The following MAGI2 variants were observed in gnomAD, a reference collection of about 807,000 sequenced individuals.
MAGI2 encodes membrane-associated guanylate kinase, WW and PDZ domain-containing protein 2.
In MAGI2, 35 loss-of-function variants were observed where a neutral mutation model predicts 133.3. The observed-to-expected ratio is 0.26, with a 90% CI of 0.20 to 0.35. The LOEUF (loss-of-function observed/expected upper bound fraction) is 0.35, where lower values mean the gene tolerates loss of function less well. MAGI2 is among the 10% of genes least tolerant of loss of function. The probability of loss-of-function intolerance (pLI) is 1.00; values close to 1 mark genes in which losing one functional copy is unlikely to be tolerated. For missense variants in MAGI2, 1,636 were observed against 1,863.4 expected, an observed-to-expected ratio of 0.88 and a Z score of 2.25; for synonymous variants, 729 against 710.6, an observed-to-expected ratio of 1.03 and a Z score of -0.41.
rs577558649 is a variant in MAGI2 at position 78,293,731 on chromosome 7, T to C, written c.1409-37150A>G. Among the ~76,000 whole-genome samples the C allele has an allele frequency of 2.0e-5, 3 of 152,276 alleles. No individual in the cohort carries two copies. In the South Asian group the frequency reaches 6.2e-4, roughly 32 times the overall value. On this transcript the variant is annotated intron_variant, in intron 9 of 21. Transcript: ENST00000354212. Reference sequence around the variant, plus strand: ...CTGGATTAAGAAAATGTGGCACATATACACCATGGAATACTATGCAGCCAT... The same window carrying C: ...CTGGATTAAGAAAATGTGGCACATACACACCATGGAATACTATGCAGCCAT...
intron 21 of MAGI2, among the ~76,000 whole-genome samples, chr7:78,056,454 G>C (rs532223490): frequency 6.6e-6 from 1 of 152,164 alleles, no homozygotes; most frequent in Admixed American, 6.5e-5. Context: ...TAAAGAAAAT[G>C]TGGTACATAT....
intron 2 of MAGI2, among the ~76,000 whole-genome samples, chr7:78,877,472 A>G (rs571924834): frequency 2.3e-4 from 35 of 152,364 alleles, no homozygotes; most frequent in African/African-American, 8.2e-4. Context: ...TAAGTTATTA[A>G]AAATGTTACT....
At chr7:78,051,884 CT>C (rs59919639) in intron 21 of MAGI2, among the ~76,000 whole-genome samples, 536 of 125,718 alleles carry the variant, frequency 4.3e-3, no homozygotes, top group East Asian at 0.02. Context: ...CATACCCAGC[CT>C]TTTTTTTTTT....
At chr7:78,454,135 T>C (rs1355722978) in intron 6 of MAGI2, among the ~76,000 whole-genome samples, 3 of 152,168 alleles carry the variant, frequency 2.0e-5, no homozygotes, top group Non-Finnish European at 4.4e-5. Context: ...TCTCTACATA[T>C]ACCCTGACTA....
intron 10 of MAGI2, among the ~76,000 whole-genome samples, chr7:78,204,738 C>T (rs1252264759): frequency 2.0e-5 from 3 of 151,666 alleles, no homozygotes; most frequent in East Asian, 1.9e-4. Context: ...TTTAATCTTG[C>T]GTCTTATGAT....
chr7:78,890,903 C>G (rs191999616), intron 2 of MAGI2, among the ~76,000 whole-genome samples: 1 of 152,192 alleles, frequency 6.6e-6, no homozygotes, highest in East Asian at 1.9e-4. Context: ...AAAATAGAGA[C>G]ACAAAAAACC....
chr7:78,544,305 C>T (rs1293986599), intron 3 of MAGI2, among the ~76,000 whole-genome samples: 1 of 152,192 alleles, frequency 6.6e-6, no homozygotes, highest in Non-Finnish European at 1.5e-5. Context: ...TCCTTCATGC[C>T]CTAAGGTGGA....
intron 1 of MAGI2, among the ~76,000 whole-genome samples, chr7:79,169,395 G>C (rs141539976): frequency 6.6e-6 from 1 of 152,180 alleles, no homozygotes; most frequent in Admixed American, 6.6e-5. Context: ...TAGTTCTTTG[G>C]AATGTCATAG....
At chr7:78,387,669 G>A (rs937066154) in intron 6 of MAGI2, among the ~76,000 whole-genome samples, 1 of 152,154 alleles carries the variant, frequency 6.6e-6, no homozygotes, top group African/African-American at 2.4e-5. Flanking sequence ...TCTCACACCT[G>A]TAATCCCAGC....
chr7:79,344,823 G>A (rs1214033476), intron 1 of MAGI2, among the ~76,000 whole-genome samples: 3 of 152,036 alleles, frequency 2.0e-5, no homozygotes, highest in Admixed American at 6.6e-5. Context: ...TAAAGCATAC[G>A]CTAGAGAATT....
chr7:78,873,067 G>T (rs1403664156), intron 2 of MAGI2, among the ~76,000 whole-genome samples: 1 of 152,104 alleles, frequency 6.6e-6, no homozygotes, highest in East Asian at 1.9e-4. Flanking sequence ...AGGCAAATTA[G>T]GGAGTAAATG....
chr7:78,214,081 T>G (rs946190801), intron 10 of MAGI2, among the ~76,000 whole-genome samples: 3 of 152,218 alleles, frequency 2.0e-5, no homozygotes, highest in Non-Finnish European at 4.4e-5. Context: ...ATTAACTTCT[T>G]GCAGCATCAG....
intron 2 of MAGI2, among the ~76,000 whole-genome samples, chr7:78,725,713 G>T (rs576228347): frequency 6.6e-5 from 10 of 152,190 alleles, no homozygotes; most frequent in Non-Finnish European, 1.2e-4. Flanking sequence ...GCAGGAGAAC[G>T]GCGGGAACCT....
At chr7:78,710,537 C>T (rs575017448) in intron 2 of MAGI2, among the ~76,000 whole-genome samples, 3 of 152,214 alleles carry the variant, frequency 2.0e-5, no homozygotes, top group Non-Finnish European at 2.9e-5. Context: ...TTTATCTGTC[C>T]ATGGCACGAT....
At chr7:79,108,099 T>A (rs571237570) in intron 1 of MAGI2, among the ~76,000 whole-genome samples, 24 of 152,296 alleles carry the variant, frequency 1.6e-4, no homozygotes, top group Non-Finnish European at 2.1e-4. Context: ...TAGGGAAGGA[T>A]GTGAATGACT....
At chr7:78,453,773 G>C (rs569512979) in intron 6 of MAGI2, among the ~76,000 whole-genome samples, 10 of 152,000 alleles carry the variant, frequency 6.6e-5, no homozygotes, top group Non-Finnish European at 1.2e-4. Context: ...TTTTATATTT[G>C]AGACCAGGGA....
intron 2 of MAGI2, among the ~76,000 whole-genome samples, chr7:78,886,072 C>A (rs1197185499): frequency 6.6e-6 from 1 of 152,204 alleles, no homozygotes; most frequent in Non-Finnish European, 1.5e-5. Flanking sequence ...AAAGGAGAAG[C>A]AGTCCATGTA....
At chr7:78,357,226 T>G (rs1792177102) in intron 7 of MAGI2, among the ~76,000 whole-genome samples, 1 of 152,152 alleles carries the variant, frequency 6.6e-6, no homozygotes, top group South Asian at 2.1e-4. Flanking sequence ...TCTGGCTTCT[T>G]TAAGTTTCAT....
chr7:79,430,081 C>A (rs929824145), intron 1 of MAGI2, among the ~76,000 whole-genome samples: 1 of 152,030 alleles, frequency 6.6e-6, no homozygotes, highest in African/African-American at 2.4e-5. Context: ...AAGAGGAATG[C>A]ATGATGTATT....
Sources: allele counts gnomAD v4.1 joint callset (sites outside exome capture counted in the v4.1 genomes callset), GRCh38; gene constraint gnomAD v4.1.1; transcripts MANE v1.5; gene names NCBI Gene and HGNC (gene_info 2026-07-23, HGNC 2026-07-21).